DNAJC24: variants seen among roughly 807,000 people sequenced by gnomAD.
The protein encoded by DNAJC24 is dnaJ homolog subfamily C member 24.
DNAJC24 carries 17 observed loss-of-function variants against 18.0 expected under a neutral mutation model. The observed-to-expected ratio is 0.94, with a 90% CI of 0.65 to 1.42. The LOEUF (loss-of-function observed/expected upper bound fraction) is 1.42, where lower values mean the gene tolerates loss of function less well. DNAJC24 is among the 40% of genes most tolerant of loss of function. The pLI, the probability that DNAJC24 is intolerant of heterozygous loss-of-function variation, is 0.00. For synonymous variants in DNAJC24, 55 were observed against 57.7 expected (o/e 0.95, Z 0.21); for missense variants, 158 against 175.6 (o/e 0.90, Z 0.57).
intron 2 of DNAJC24, among the ~76,000 whole-genome samples, chr11:31,389,247 T>C (rs1245229851): frequency 4.6e-5 from 7 of 152,128 alleles, no homozygotes; most frequent in African/African-American, 1.7e-4. Flanking sequence ...CCCAACCATC[T>C]GTTGCCTACA....
chr11:31,387,286 C>T (rs916113694), intron 2 of DNAJC24, among the ~76,000 whole-genome samples: 1 of 152,174 alleles, frequency 6.6e-6, no homozygotes, highest in African/African-American at 2.4e-5. Flanking sequence ...CACTGTGGGC[C>T]TTTGGGCAAG....
chr11:31,410,118 G>C lies in DNAJC24; in HGVS notation c.112-4693G>C, dbSNP rs1037285604. 2.0e-5 allele frequency among the ~76,000 whole-genome samples: 3 copies of C among 152,050 alleles called. No homozygotes were observed. The South Asian group carries it at 6.2e-4, about 31-fold the overall frequency. On this transcript the variant is annotated intron_variant, in intron 2 of 4. Transcript: ENST00000465995. ...GGCTAGTCTCAAACTCCTGACCTCA[G>C]GTGATCTGCCCACCTTGGCCTCCCA...
Position 31,379,166 on chromosome 11 carries a change from G to A in DNAJC24, c.111+8307G>A, listed in dbSNP as rs1372584418. Among the ~76,000 whole-genome samples, 8 of 152,018 alleles carry A rather than the reference G, an allele frequency of 5.3e-5. 1 individual carries two copies. Among genetic ancestry groups the A allele is most frequent in the Admixed American group, 5.2e-4 (8 of 15,242 alleles). The stretch of plus-strand genomic sequence containing the variant: ...AGTCCCCGCGCTGCAAACCAGTACT[G>A]GTCCATGGCCAGTTAGGAACCAGGC... On this transcript the variant is annotated intron_variant, in intron 2 of 4. Coordinates refer to ENST00000465995, the MANE Select transcript of DNAJC24 (RefSeq NM_181706.5).
intron 4 of DNAJC24, chr11:31,429,703 A>G (rs1187927799): frequency 5.7e-6 from 1 of 174,944 alleles, no homozygotes; most frequent in African/African-American, 2.4e-5. Context: ...ACATACCCCC[A>G]TAGGATTTAA....
rs530395446 is a variant in DNAJC24 at position 31,370,317 on chromosome 11, CT to C, written c.-33-390del. Among the ~76,000 whole-genome samples the C allele has an allele frequency of 1.1e-4, 17 of 151,396 alleles. No individual in the cohort carries two copies. The East Asian group carries it at 1.7e-3, about 16-fold the overall frequency. On this transcript the variant is annotated intron_variant, in intron 1 of 4. Coordinates refer to ENST00000465995, the MANE Select transcript of DNAJC24 (RefSeq NM_181706.5). ...TTTAATTCTTTGATGTTCTGTTTTG[CT>C]TTTTTTTTATTCGTTCATTTTGTAA...
intron 2 of DNAJC24, chr11:31,396,157 G>T (rs1015261269): frequency 1.0e-4 from 37 of 358,416 alleles, no homozygotes; most frequent in Middle Eastern, 3.8e-4. Flanking sequence ...AAATGTAGTG[G>T]ATTTACTGTG....
In DNAJC24 at chr11:31,432,492, A is replaced by T; in HGVS notation, c.*2091A>T. ...AGACAATAATCAAGTCAAAAGAATA[A>T]ATGCTTACTAATCATCAGAAAATCT... On this transcript the variant is annotated 3_prime_UTR_variant, in exon 5 of 5. Transcript: ENST00000465995. 1 of 1,601,848 alleles carries T rather than the reference A, an allele frequency of 6.2e-7. No individual in the cohort carries two copies. Among genetic ancestry groups the T allele is most frequent in the South Asian group, 1.1e-5 (1 of 90,768 alleles).
intron 2 of DNAJC24, among the ~76,000 whole-genome samples, chr11:31,382,892 TCTGA>T (rs1952390489): frequency 6.6e-6 from 1 of 152,210 alleles, no homozygotes; most frequent in Non-Finnish European, 1.5e-5. Context: ...GATATGTGCC[TCTGA>T]CTGACTGGCT....
chr11:31,393,101 T>C (rs987625141), intron 2 of DNAJC24, among the ~76,000 whole-genome samples: 2 of 152,166 alleles, frequency 1.3e-5, no homozygotes, highest in African/African-American at 2.4e-5. Flanking sequence ...GTAGTCCAAA[T>C]GGACTAAGAC....
intron 2 of DNAJC24, among the ~76,000 whole-genome samples, chr11:31,408,956 A>C (rs187373369): frequency 1.1e-4 from 16 of 152,168 alleles, no homozygotes; most frequent in African/African-American, 3.9e-4. Context: ...ATTGTGACAT[A>C]TTTATGGTAT....
intron 2 of DNAJC24, among the ~76,000 whole-genome samples, chr11:31,408,606 A>G (rs1033421184): frequency 6.6e-6 from 1 of 152,224 alleles, no homozygotes; most frequent in Non-Finnish European, 1.5e-5. Flanking sequence ...CATTTAGAAA[A>G]CAGATAACAC....
chr11:31,401,568 GCTT>G (rs928779920), intron 2 of DNAJC24, among the ~76,000 whole-genome samples: 6 of 148,410 alleles, frequency 4.0e-5, no homozygotes, highest in Non-Finnish European at 7.4e-5. Flanking sequence ...TTTCTCTTTT[GCTT>G]CTTCTTCTTG....
At chr11:31,392,658 T>C (rs1952508420) in intron 2 of DNAJC24, among the ~76,000 whole-genome samples, 1 of 151,730 alleles carries the variant, frequency 6.6e-6, no homozygotes. Context: ...CCCTTGTGAA[T>C]GAGATTAATG....
At chr11:31,417,633 C>A (rs1357219094) in intron 3 of DNAJC24, among the ~76,000 whole-genome samples, 1 of 152,004 alleles carries the variant, frequency 6.6e-6, no homozygotes, top group Non-Finnish European at 1.5e-5. Context: ...GTAAACCTTT[C>A]TTTTCATAGG....
In DNAJC24 at chr11:31,416,384, ATGAAAGAAT is replaced by A. The variant is rs1042637981; in HGVS notation, c.250+1441_250+1449del. 6.6e-4 allele frequency: 100 copies of A among 152,274 alleles called. 1 individual carries two copies. The highest frequency in any genetic ancestry group is 3.4e-3 in the Middle Eastern group (1 of 294). The allele number at this position is 152,274 out of a possible 1,614,324, so 9.4% of individuals were successfully genotyped here. A position where few individuals can be genotyped will look rare whatever the true frequency, so the allele number is the denominator to read the frequency against. The stretch of plus-strand genomic sequence containing the variant: ...TTTAACCTTGGTTCACATGATTTCT[ATGAAAGAAT>A]TGAAACTAATGCACATGAATGTGTT... On this transcript the variant is annotated intron_variant, in intron 3 of 4. Transcript: ENST00000465995.
chr11:31,414,026 CTATT>C (rs1952733322), intron 2 of DNAJC24, among the ~76,000 whole-genome samples: 1 of 152,082 alleles, frequency 6.6e-6, no homozygotes, highest in Non-Finnish European at 1.5e-5. Flanking sequence ...TACTGGATAA[CTATT>C]TAGTGAGCTA....
At chr11:31,423,764 A>G (rs1001369774) in intron 3 of DNAJC24, among the ~76,000 whole-genome samples, 22 of 152,232 alleles carry the variant, frequency 1.4e-4, no homozygotes, top group Admixed American at 1.4e-3. Flanking sequence ...AATCAGGTCA[A>G]CATACAGATG....
chr11:31,379,643 A>T (rs1347688605), intron 2 of DNAJC24, among the ~76,000 whole-genome samples: 3 of 152,248 alleles, frequency 2.0e-5, no homozygotes, highest in African/African-American at 7.2e-5. Flanking sequence ...TTTTAAGATG[A>T]AAAATATCCC....
At position 31,376,900 on chromosome 11, in the gene DNAJC24, T is replaced by C. The variant is rs1179631551; in HGVS notation, c.111+6041T>C. ...AGTGAAATTTAGTTTTCTTACTCTT[T>C]TTGCATAAGTTTAGACTTTCTAATA... On this transcript the variant is annotated intron_variant, in intron 2 of 4. Transcript: ENST00000465995. Among the ~76,000 whole-genome samples, 3 of 152,138 alleles carry C rather than the reference T, an allele frequency of 2.0e-5. No individual in the cohort carries two copies. In the East Asian group the frequency reaches 5.8e-4, roughly 29 times the overall value.
Sources: allele counts gnomAD v4.1 joint callset (sites outside exome capture counted in the v4.1 genomes callset), GRCh38; gene constraint gnomAD v4.1.1; transcripts MANE v1.5; gene names NCBI Gene and HGNC (gene_info 2026-07-23, HGNC 2026-07-21).